Variants in YIPF7 observed in about 807,000 individuals in gnomAD.
YIPF7 encodes the protein Yip1 domain family member 7, also known as protein YIPF7.
In YIPF7, 35 loss-of-function variants were observed where a neutral mutation model predicts 27.2. That is an observed-to-expected ratio of 1.29 (90% CI 0.98 to 1.70). The LOEUF is 1.70. Ranked by LOEUF, YIPF7 falls within the 40% of genes most tolerant of loss-of-function variation. YIPF7 has a pLI of 0.00. For missense variants in YIPF7, 358 were observed against 303.7 expected (o/e 1.18, Z -1.33); for synonymous variants, 137 against 110.4 (o/e 1.24, Z -1.51).
At chr4:44,629,294 A>T (rs1281153693) in intron 4 of YIPF7, 109 bp downstream of exon 4, 1 of 1,255,582 alleles carries the variant, frequency 8.0e-7, no homozygotes, top group African/African-American at 1.6e-5. Context: ...TCACTTAAAA[A>T]ATTCACTATG....
At chr4:44,626,171 G>T (rs1388028416) in intron 4 of YIPF7, among the ~76,000 whole-genome samples, 4 of 152,144 alleles carry the variant, frequency 2.6e-5, no homozygotes, top group Admixed American at 1.3e-4. Flanking sequence ...GACTTTTGCT[G>T]GCAGAATTGT....
exon 2 of YIPF7, chr4:44,660,479 G>A (rs563136023): frequency 2.0e-5 from 3 of 152,094 alleles, no homozygotes; most frequent in African/African-American, 7.2e-5. Context: ...AGGCTGTATG[G>A]GGAGACCACA....
At chr4:44,641,003 C>T (rs1387314336) in intron 2 of YIPF7, among the ~76,000 whole-genome samples, 1 of 152,072 alleles carries the variant, frequency 6.6e-6, no homozygotes, top group Non-Finnish European at 1.5e-5. Context: ...AGTTCCTTCT[C>T]ACAGTTTCCT....
At chr4:44,653,840 T>G (rs148691422), upstream of YIPF7, among the ~76,000 whole-genome samples, 574 of 152,256 alleles carry the variant, frequency 3.8e-3, no homozygotes, top group Non-Finnish European at 5.0e-3. Flanking sequence ...AGCAGAGATT[T>G]ATGGTACATT....
chr4:44,627,995 A>G (rs1712734495), intron 4 of YIPF7, among the ~76,000 whole-genome samples: 1 of 152,210 alleles, frequency 6.6e-6, no homozygotes, highest in South Asian at 2.1e-4. Flanking sequence ...TAACAGTAAT[A>G]TTCTGCCACA....
At position 44,660,619 on chromosome 4, in the gene YIPF7, C is replaced by G. The variant is rs1427614834; in HGVS notation, c.-171-1G>C. Reference sequence around the variant, plus strand: ...GTCATTCCTGCCTGACTTTCCCAAACTGCAGATGAATACACAAAAGGAATG... The same window carrying G: ...GTCATTCCTGCCTGACTTTCCCAAAGTGCAGATGAATACACAAAAGGAATG... On this transcript the variant is annotated splice_acceptor_variant, in intron 1 of 2. Coordinates refer to the YIPF7 transcript ENST00000508947. LOFTEE classifies it low-confidence loss of function (5UTR_SPLICE). 1 of 152,198 alleles carries G rather than the reference C, an allele frequency of 6.6e-6. No homozygotes were observed. Among genetic ancestry groups the G allele is most frequent in the Non-Finnish European group, 1.5e-5 (1 of 68,052 alleles). The allele number at this position is 152,198 out of a possible 1,614,324, so 9.4% of individuals were successfully genotyped here. A position where few individuals can be genotyped will look rare whatever the true frequency, so the allele number is the denominator to read the frequency against.
intron 5 of YIPF7, 51 bp downstream of exon 5, chr4:44,624,550 C>T (rs1404988814): frequency 9.5e-6 from 14 of 1,475,384 alleles, no homozygotes; most frequent in Middle Eastern, 2.5e-4. Context: ...CTGTGGCAAA[C>T]CTTGGCTATG....
intron 4 of YIPF7, among the ~76,000 whole-genome samples, chr4:44,628,159 G>A (rs1051187503): frequency 1.3e-5 from 2 of 152,088 alleles, no homozygotes; most frequent in East Asian, 1.9e-4. Flanking sequence ...GAAGAAGGGA[G>A]GTTAGAGACT....
At position 44,633,008 on chromosome 4, in the gene YIPF7, G is replaced by A. The variant is rs193284632; in HGVS notation, c.280+2914C>T. Reference sequence around the variant, plus strand: ...GAACAAGTATTATCACCTTAGCTCCGCCTCCTGCCAGATGAGCTGCATTAG... The same window carrying A: ...GAACAAGTATTATCACCTTAGCTCCACCTCCTGCCAGATGAGCTGCATTAG... On this transcript the variant is annotated intron_variant, in intron 3 of 5. Coordinates refer to ENST00000415895, the MANE Select transcript of YIPF7 (RefSeq NM_182592.3). 2.5e-4 allele frequency among the ~76,000 whole-genome samples: 38 copies of A among 152,250 alleles called. No homozygotes were observed. The East Asian group carries it at 5.0e-3, about 20-fold the overall frequency.
upstream of YIPF7, among the ~76,000 whole-genome samples, chr4:44,655,828 T>C (rs1713885892): frequency 6.6e-6 from 1 of 151,236 alleles, no homozygotes. Flanking sequence ...TTTATAAGCC[T>C]GAAACTACAG....
upstream of YIPF7, chr4:44,651,644 T>A (rs753869982): frequency 7.1e-6 from 11 of 1,554,690 alleles, no homozygotes; most frequent in African/African-American, 1.4e-5. Flanking sequence ...GATGACATGC[T>A]GGCTATATAT....
Position 44,651,424 on chromosome 4 carries a change from T to C in YIPF7, c.-2+130A>G, listed in dbSNP as rs571070141. On this transcript the variant is annotated intron_variant, in intron 1 of 5. Transcript: ENST00000415895. ...ATTATAAAGCATAGAGAGTAATTTA[T>C]TGAGAATACACTAAATTTTCATAAC... 6.4e-5 allele frequency: 31 copies of C among 483,376 alleles called. No homozygotes were observed. In the South Asian group the frequency reaches 1.6e-3, roughly 24 times the overall value. 29.9% of individuals were successfully genotyped at this position (483,376 alleles called of 1,614,324 possible). A position where few individuals can be genotyped will look rare whatever the true frequency, so the allele number is the denominator to read the frequency against.
At position 44,624,683 on chromosome 4, in the gene YIPF7, A is replaced by C; in HGVS notation, c.526T>G (p.Tyr176Asp). 1 of 1,609,148 alleles carries C rather than the reference A, an allele frequency of 6.2e-7. No individual in the cohort carries two copies. Residue 176 changes from tyrosine to aspartate, a missense_variant, in exon 5 of 6, where the codon TAC becomes GAC. Coordinates refer to ENST00000415895, the MANE Select transcript of YIPF7 (RefSeq NM_182592.3). ...LNLMSSSGVS[Y>D]GCVASVLGYC... ...CCCAGCACGCTGGCCACACAGCCGT[A>C]CGACACCCCTGAAGAGCTCATCAGG...
At chr4:44,652,515 G>A (rs1019107916), upstream of YIPF7, among the ~76,000 whole-genome samples, 1 of 152,176 alleles carries the variant, frequency 6.6e-6, no homozygotes. Flanking sequence ...TCTTCAACTG[G>A]AGCCAACAGC....
At chr4:44,654,938 A>G (rs1713849290), upstream of YIPF7, among the ~76,000 whole-genome samples, 1 of 151,988 alleles carries the variant, frequency 6.6e-6, no homozygotes, top group African/African-American at 2.4e-5. Context: ...GCTCACTTAA[A>G]AAGACTGTAA....
chr4:44,639,376 T>C (rs1233119653), intron 2 of YIPF7, among the ~76,000 whole-genome samples: 1 of 152,074 alleles, frequency 6.6e-6, no homozygotes, highest in Non-Finnish European at 1.5e-5. Context: ...TTTTCATCAT[T>C]GTTTGTCATT....
intron 2 of YIPF7, among the ~76,000 whole-genome samples, chr4:44,642,532 A>G (rs1389597650): frequency 1.3e-5 from 2 of 152,184 alleles, no homozygotes; most frequent in East Asian, 3.9e-4. Flanking sequence ...CCAAAGTATG[A>G]TCCAAAAAAT....
At chr4:44,627,029 G>A (rs151148005) in intron 4 of YIPF7, among the ~76,000 whole-genome samples, 4,171 of 151,358 alleles carry the variant, frequency 0.028, 178 homozygotes, top group African/African-American at 0.097. Context: ...TGATCCGCCC[G>A]CCTCGGCCTC....
intron 2 of YIPF7, among the ~76,000 whole-genome samples, chr4:44,644,983 G>A (rs528949679): frequency 8.5e-5 from 13 of 152,260 alleles, no homozygotes; most frequent in African/African-American, 2.9e-4. Context: ...TGCCATCTGA[G>A]ACTCCTGCTC....
Sources: gnomAD v4.1 joint callset for allele counts (sites outside exome capture counted in the v4.1 genomes callset) on GRCh38, gnomAD v4.1.1 for gene constraint, MANE v1.5 for transcripts, NCBI Gene and HGNC (gene_info 2026-07-23, HGNC 2026-07-21) for gene names.